APC: variants seen among roughly 807,000 people sequenced by gnomAD.
The protein encoded by APC is adenomatous polyposis coli protein.
In APC, 72 loss-of-function variants were observed where a neutral mutation model predicts 247.0. The ratio of observed to expected loss-of-function variants is 0.29; its 90% CI spans 0.24 to 0.35. The LOEUF (loss-of-function observed/expected upper bound fraction) is 0.35, where lower values mean the gene tolerates loss of function less well. APC is among the 10% of genes least tolerant of loss of function. The pLI, the probability that APC is intolerant of heterozygous loss-of-function variation, is 1.00. For missense variants in APC, 3,400 were observed against 3,360.7 expected (o/e 1.01, Z -0.29); for synonymous variants, 1,254 against 1,162.5 (o/e 1.08, Z -1.60).
At position 112,842,740 on chromosome 5, in the gene APC, A is replaced by T. The variant is rs780566379; in HGVS notation, c.7146A>T (p.Thr2382=). The change falls in exon 16 of 16, where the codon ACA becomes ACT. Residue 2382 remains threonine, a synonymous_variant. Transcript: ENST00000257430. ...QMSQQNLTKQ[T]GLSKNASSIP... is the part of the protein sequence containing the mutation. ...GCCAACAGAACCTTACCAAACAAACAGGTTTATCCAAGAATGCCAGTAGTA... is the reference window on the plus strand; with the variant it reads ...GCCAACAGAACCTTACCAAACAAACTGGTTTATCCAAGAATGCCAGTAGTA... 7 of 1,614,000 alleles carry T rather than the reference A, an allele frequency of 4.3e-6. No individual in the cohort carries two copies. The East Asian group carries it at 1.6e-4, about 36-fold the overall frequency.
rs2149972433 is a variant in APC at position 112,842,350 on chromosome 5, C to G, written c.6756C>G (p.Pro2252=). The G allele has an allele frequency of 6.2e-7, 1 of 1,614,004 alleles. No individual in the cohort carries two copies. Among genetic ancestry groups the G allele is most frequent in the Non-Finnish European group, 8.5e-7 (1 of 1,179,926 alleles). The part of the protein sequence containing the change: ...STSPVSKKGP[P]LKTPASKSPS... ...GTCCTGTTTCTAAAAAAGGCCCACC[C>G]CTTAAGACTCCAGCCTCCAAAAGCC... is the stretch of plus-strand genomic sequence containing the variant. The change falls in exon 16 of 16, where the codon CCC becomes CCG. Residue 2252 remains proline (P), a synonymous_variant. Transcript: ENST00000257430.
intron 6 of APC, among the ~76,000 whole-genome samples, chr5:112,783,978 C>T (rs1384022394): frequency 1.3e-5 from 2 of 151,718 alleles, no homozygotes; most frequent in African/African-American, 4.8e-5. Context: ...TGCCTATCAG[C>T]TGCCCGAAAC....
At chr5:112,804,023 C>T (rs1458013277) in intron 8 of APC, among the ~76,000 whole-genome samples, 1 of 152,196 alleles carries the variant, frequency 6.6e-6, no homozygotes, top group African/African-American at 2.4e-5. Context: ...ACTCCCTCAA[C>T]TTCAACTTCT....
In APC at chr5:112,780,854, C is replaced by T. The variant is rs748193367; in HGVS notation, c.596C>T (p.Ala199Val). The T allele has an allele frequency of 1.1e-5, 18 of 1,613,090 alleles. No individual in the cohort carries two copies. Among genetic ancestry groups the T allele is most frequent in the South Asian group, 6.6e-5 (6 of 91,010 alleles). Residue 199 changes from alanine to valine, a missense_variant, in exon 6 of 16, where the codon GCG (alanine) becomes GTG (valine). Physicochemically the swap from Ala to Val is moderately conservative, Grantham distance 64. This residue lies in a region of APC where 372 missense variants were observed against 367.6 expected (regional missense o/e 1.01). Transcript: ENST00000257430. Reference protein sequence around the residue: ...LEYEARQIRVAMEEQLGTCQD... With the variant: ...LEYEARQIRVVMEEQLGTCQD... ...TATGAAGCAAGGCAAATCAGAGTTG[C>T]GATGGAAGAACAACTAGGTACCTGC...
intron 14 of APC, 118 bp downstream of exon 14, chr5:112,829,090 T>C (rs1388119502): frequency 9.5e-6 from 7 of 736,150 alleles, no homozygotes; most frequent in Non-Finnish European, 1.7e-5. Context: ...AGTACTATAA[T>C]ATGAATTTCA....
rs768973715 is a variant in APC, at chr5:112,827,188, C to G, written c.1489C>G (p.Leu497Val). 1.2e-6 allele frequency: 2 copies of G among 1,613,778 alleles called. No individual in the cohort carries two copies. Among genetic ancestry groups the G allele is most frequent in the Non-Finnish European group, 8.5e-7 (1 of 1,179,910 alleles). The change falls in exon 12 of 16, where the codon CTA (leucine) becomes GTA (valine). Residue 497 changes from leucine (L) to valine (V), a missense_variant. Coordinates refer to ENST00000257430, the MANE Select transcript of APC (RefSeq NM_000038.6). ...TACTAATGACCACTACAGTATTACA[C>G]TAAGACGATATGCTGGAATGGCTTT... ...GLTNDHYSIT[L>V]RRYAGMALTN...
In APC at chr5:112,812,075, G is replaced by C. The variant is rs115670783; in HGVS notation, c.835-3420G>C. The stretch of plus-strand genomic sequence containing the variant: ...GTAACGCTTCCCTCAGAGGGAACAA[G>C]AGAGGTGCCCAAGATGGAAGACACG... On this transcript the variant is annotated intron_variant, in intron 8 of 15. Coordinates refer to ENST00000257430, the MANE Select transcript of APC (RefSeq NM_000038.6). 5.2e-3 allele frequency among the ~76,000 whole-genome samples: 797 copies of C among 152,302 alleles called. 4 individuals carry two copies. The highest frequency in any genetic ancestry group is 0.018 in the African/African-American group (750 of 41,562).
chr5:112,802,384 T>C lies in APC; in HGVS notation c.834+1001T>C, dbSNP rs942113585. 3.3e-5 allele frequency among the ~76,000 whole-genome samples: 5 copies of C among 152,282 alleles called. 1 individual carries two copies. The highest frequency in any genetic ancestry group is 9.6e-5 in the African/African-American group (4 of 41,584). ...ATGTTTAAACAGCACATTTGAGTTATGTATCTGTCTTTTGTTTAGGGAATT... is the reference window on the plus strand; with the variant it reads ...ATGTTTAAACAGCACATTTGAGTTACGTATCTGTCTTTTGTTTAGGGAATT... On this transcript the variant is annotated intron_variant, in intron 8 of 15. Transcript: ENST00000257430.
intron 2 of APC, among the ~76,000 whole-genome samples, chr5:112,763,251 T>A (rs183121695): frequency 7.4e-4 from 112 of 152,190 alleles, no homozygotes; most frequent in African/African-American, 2.5e-3. Flanking sequence ...TATTTTTTTT[T>A]AAATTTAAAT....
rs140046325 is a variant in APC at position 112,791,342 on chromosome 5, T to A, written c.646-1104T>A. On this transcript the variant is annotated intron_variant, in intron 6 of 15. Transcript: ENST00000257430. Reference sequence around the variant, plus strand: ...GCCACAGTTAGGTACTTGGAAAGGCTGAAAAATACTACTAACTTATGACAG... The same window carrying A: ...GCCACAGTTAGGTACTTGGAAAGGCAGAAAAATACTACTAACTTATGACAG... Among the ~76,000 whole-genome samples, 20 of 152,276 alleles carry A rather than the reference T, an allele frequency of 1.3e-4. No homozygotes were observed. The highest frequency in any genetic ancestry group is 2.9e-4 in the Non-Finnish European group (20 of 68,024).
rs1554074733 is a variant in APC at position 112,792,465 on chromosome 5, A to T, written c.665A>T (p.Gln222Leu). The change falls in exon 7 of 16, where the codon CAG becomes CTG. Residue 222 changes from glutamine (Q) to leucine (L), a missense_variant. By Grantham distance (113) the Gln-to-Leu change is moderately radical. Coordinates refer to ENST00000257430, the MANE Select transcript of APC (RefSeq NM_000038.6). The stretch of plus-strand genomic sequence containing the variant: ...TTTTAGCGAAGAATAGCCAGAATTC[A>T]GCAAATCGAAAAGGACATACTTCGT... The part of the protein sequence containing the change: ...KRAQRRIARI[Q>L]QIEKDILRIR... 1 of 1,610,746 alleles carries T rather than the reference A, an allele frequency of 6.2e-7. No individual in the cohort carries two copies. The highest frequency in any genetic ancestry group is 2.2e-5 in the East Asian group (1 of 44,598).
chr5:112,842,960 T>C lies in APC; in HGVS notation c.7366T>C (p.Leu2456=). 1 of 1,614,014 alleles carries C rather than the reference T, an allele frequency of 6.2e-7. No individual in the cohort carries two copies. The highest frequency in any genetic ancestry group is 8.5e-7 in the Non-Finnish European group (1 of 1,179,928). ...EAPSPTLRRK[L]EESASFESLS... is the part of the protein sequence containing the mutation. ...TCCAAGCCCAACCTTAAGAAGAAAA[T>C]TGGAGGAATCTGCTTCATTTGAATC... is the stretch of plus-strand genomic sequence containing the variant. The change falls in exon 16 of 16, where the codon TTG becomes CTG. Residue 2456 remains leucine, a synonymous_variant. Coordinates refer to ENST00000257430, the MANE Select transcript of APC (RefSeq NM_000038.6).
At chr5:112,757,486 C>G (rs1201365074) in intron 2 of APC, among the ~76,000 whole-genome samples, 2 of 152,056 alleles carry the variant, frequency 1.3e-5, no homozygotes, top group Non-Finnish European at 2.9e-5. Context: ...ATAATCCTAG[C>G]ACTTTCGGAG....
chr5:112,712,088 G>A (rs1228853893), intron 1 of APC, among the ~76,000 whole-genome samples: 1 of 152,176 alleles, frequency 6.6e-6, no homozygotes, highest in Non-Finnish European at 1.5e-5. Flanking sequence ...TTAGCCAGTG[G>A]AGTGAATCTT....
At chr5:112,825,801 A>C (rs1763600753) in intron 11 of APC, among the ~76,000 whole-genome samples, 1 of 152,234 alleles carries the variant, frequency 6.6e-6, no homozygotes, top group Admixed American at 6.5e-5. Context: ...GGTCTAAGTT[A>C]AGTCCACCTA....
intron 5 of APC, chr5:112,777,531 C>G (rs1757793683): frequency 6.3e-6 from 1 of 159,920 alleles, no homozygotes; most frequent in Non-Finnish European, 1.5e-5. Context: ...GCAACTCTCC[C>G]AATACTACTT....
rs140749855 is a variant in APC, at chr5:112,761,558, A to G, written c.136-4768A>G. On this transcript the variant is annotated intron_variant, in intron 2 of 15. Transcript: ENST00000257430. Reference sequence around the variant, plus strand: ...ACTAGTGAGAAGACAGAATTAGTGAACTTGAAAAAAGATCAGTAGAAAATA... The same window carrying G: ...ACTAGTGAGAAGACAGAATTAGTGAGCTTGAAAAAAGATCAGTAGAAAATA... Among the ~76,000 whole-genome samples the G allele has an allele frequency of 9.6e-4, 146 of 152,334 alleles. 1 individual carries two copies. In the East Asian group the frequency reaches 0.025, roughly 27 times the overall value.
chr5:112,814,399 TC>T (rs1051715898), intron 8 of APC, among the ~76,000 whole-genome samples: 1 of 152,164 alleles, frequency 6.6e-6, no homozygotes, highest in Non-Finnish European at 1.5e-5. Flanking sequence ...TTTCTGGGTT[TC>T]CGATATCCAT....
Position 112,840,029 on chromosome 5 carries a change from G to A in APC, c.4435G>A (p.Val1479Ile), listed in dbSNP as rs1060503271. 1 of 1,614,096 alleles carries A rather than the reference G, an allele frequency of 6.2e-7. No homozygotes were observed. The highest frequency in any genetic ancestry group is 1.3e-5 in the African/African-American group (1 of 75,028). ...TGCAGTAAATGCTGCAGTTCAGAGG[G>A]TCCAGGTTCTTCCAGATGCTGATAC... ...QAAVNAAVQR[V>I]QVLPDADTLL... is the part of the protein sequence containing the mutation. The change falls in exon 16 of 16, where the codon GTC becomes ATC. Residue 1479 changes from valine to isoleucine, a missense_variant. Transcript: ENST00000257430. This position sits in a 1 kb window ranked among gnomAD's most constrained non-coding sequence, Gnocchi z 4.1.
Sources: gnomAD v4.1 joint callset for allele counts (sites outside exome capture counted in the v4.1 genomes callset) on GRCh38, gnomAD v4.1.1 for gene constraint, gnomAD v4.1.1 regional missense constraint, Gnocchi (gnomAD v3.1) non-coding constraint, MANE v1.5 for transcripts, NCBI Gene and HGNC (gene_info 2026-07-23, HGNC 2026-07-21) for gene names.